STXBP4: variants seen among roughly 807,000 people sequenced by gnomAD.
STXBP4 encodes syntaxin-binding protein 4.
A neutral mutation model predicts 76.1 loss-of-function variants in STXBP4; 55 were observed. The observed-to-expected ratio is 0.72, with a 90% CI of 0.58 to 0.91. The LOEUF is 0.91. Among genes scored for constraint, STXBP4 ranks in the 40% least tolerant of loss-of-function variants. STXBP4 has a pLI of 0.00. For synonymous variants in STXBP4, 201 were observed against 220.2 expected (o/e 0.91, Z 0.77); for missense variants, 618 against 636.9 (o/e 0.97, Z 0.32).
chr17:55,133,378 A>G (rs2079993236), intron 16 of STXBP4, among the ~76,000 whole-genome samples: 1 of 152,172 alleles, frequency 6.6e-6, no homozygotes, highest in African/African-American at 2.4e-5. Context: ...GGGCACCTTC[A>G]GTTTAAAAGT....
intron 16 of STXBP4, among the ~76,000 whole-genome samples, chr17:55,107,973 A>G (rs948677809): frequency 3.3e-5 from 5 of 152,220 alleles, no homozygotes; most frequent in Non-Finnish European, 7.3e-5. Context: ...TGCGCTCTTC[A>G]GAGCCAGCAG....
chr17:55,014,352 GCTAGAATGTCT>G (rs2078167470), intron 8 of STXBP4, among the ~76,000 whole-genome samples: 1 of 152,126 alleles, frequency 6.6e-6, no homozygotes, highest in East Asian at 1.9e-4. Context: ...CCCTGCTTTT[GCTAGAATGTCT>G]CTCCCTAACA....
At chr17:55,031,109 A>G in intron 8 of STXBP4, 59 bp from the exon 9 acceptor site, 1 of 1,331,198 alleles carries the variant, frequency 7.5e-7, no homozygotes, top group East Asian at 2.4e-5. Context: ...GTTTGTAATG[A>G]AAAGTTTTAT....
chr17:55,142,801 G>A (rs932596739), intron 17 of STXBP4, among the ~76,000 whole-genome samples: 1 of 152,168 alleles, frequency 6.6e-6, no homozygotes, highest in African/African-American at 2.4e-5. Flanking sequence ...AGGCAAAGGT[G>A]TTGTTTATAA....
chr17:55,007,372 C>A, intron 7 of STXBP4, 134 bp from the exon 8 acceptor site: 1 of 682,776 alleles, frequency 1.5e-6, no homozygotes, highest in South Asian at 1.8e-5. Flanking sequence ...AAAAATTATG[C>A]AAACAAAACT....
intron 7 of STXBP4, among the ~76,000 whole-genome samples, chr17:55,004,195 A>G (rs2077966893): frequency 6.6e-6 from 1 of 151,796 alleles, no homozygotes; most frequent in South Asian, 2.1e-4. Context: ...AAAAAAAAAA[A>G]GAATTGTTGC....
At position 55,034,153 on chromosome 17, in the gene STXBP4, T is replaced by C. The variant is rs1370763929; in HGVS notation, c.764-15T>C. The C allele has an allele frequency of 1.2e-6, 2 of 1,604,390 alleles. No homozygotes were observed. Among genetic ancestry groups the C allele is most frequent in the Non-Finnish European group, 1.7e-6 (2 of 1,172,044 alleles). The stretch of plus-strand genomic sequence containing the variant: ...GTTAAATGCCATGTTCTTACTTAAA[T>C]GTGTTCCATTTTAGATTTTGTCCAG... On this transcript the variant is annotated splice_polypyrimidine_tract_variant and intron_variant, in intron 9 of 17. Transcript: ENST00000376352.
intron 1 of STXBP4, 99 bp downstream of exon 1, chr17:54,968,914 A>G (rs2077334787): frequency 2.4e-6 from 1 of 410,402 alleles, no homozygotes; most frequent in Non-Finnish European, 4.5e-6. Context: ...GTCCGCGTGC[A>G]AGCTTGCCAT....
chr17:54,999,736 G>A lies in STXBP4; in HGVS notation c.392G>A (p.Gly131Glu). 1 of 1,613,464 alleles carries A rather than the reference G, an allele frequency of 6.2e-7. No homozygotes were observed. The highest frequency in any genetic ancestry group is 8.5e-7 in the Non-Finnish European group (1 of 1,179,628). ...CTTATAGAAGCTTCAGGAGAATATG[G>A]ACCTCAAGCCTCAACATTAAGTCTT... ...TSLIEASGEYGPQASTLSLFS... is the reference protein window; with the variant it reads ...TSLIEASGEYEPQASTLSLFS... The change falls in exon 6 of 18, where the codon GGA becomes GAA. Residue 131 changes from glycine (G) to glutamate (E), a missense_variant. Physicochemically the swap from Gly to Glu is moderately conservative, Grantham distance 98. Transcript: ENST00000376352.
chr17:55,133,547 A>C (rs992224527), intron 16 of STXBP4, among the ~76,000 whole-genome samples: 2 of 152,226 alleles, frequency 1.3e-5, no homozygotes, highest in African/African-American at 4.8e-5. Flanking sequence ...TACGCAGGAA[A>C]AGAACAGAAA....
intron 12 of STXBP4, among the ~76,000 whole-genome samples, chr17:55,069,154 A>C (rs2079090488): frequency 9.3e-6 from 1 of 107,024 alleles, no homozygotes; most frequent in Non-Finnish European, 1.8e-5. Context: ...CAGTGTTGCC[A>C]AAAAAAAAAA....
the STXBP4 span, among the ~76,000 whole-genome samples, chr17:55,184,964 T>A: frequency 6.6e-6 from 1 of 152,110 alleles, no homozygotes; most frequent in Non-Finnish European, 1.5e-5. Context: ...CTTGACCTCC[T>A]GGGCCCGAGC....
At chr17:55,068,166 C>G (rs1466322489) in intron 12 of STXBP4, among the ~76,000 whole-genome samples, 1 of 152,032 alleles carries the variant, frequency 6.6e-6, no homozygotes, top group Non-Finnish European at 1.5e-5. Context: ...TGCAGTAACC[C>G]TTAATTTTTT....
chr17:55,198,678 G>A, the STXBP4 span, among the ~76,000 whole-genome samples: 30 of 152,038 alleles, frequency 2.0e-4, no homozygotes, highest in Non-Finnish European at 2.2e-4. Flanking sequence ...ATATAAAATC[G>A]ATTCACCAAT....
chr17:55,067,808 A>G (rs1356258556), intron 12 of STXBP4, among the ~76,000 whole-genome samples: 1 of 152,168 alleles, frequency 6.6e-6, no homozygotes, highest in Non-Finnish European at 1.5e-5. Context: ...TAGAATGGAA[A>G]TTAAGCAACA....
At chr17:54,977,094 T>C (rs1395386588) in intron 1 of STXBP4, among the ~76,000 whole-genome samples, 5 of 152,170 alleles carry the variant, frequency 3.3e-5, no homozygotes, top group Admixed American at 2.6e-4. Flanking sequence ...TTTCAGTGAT[T>C]GGTTTTCTGT....
intron 12 of STXBP4, among the ~76,000 whole-genome samples, chr17:55,050,312 C>G (rs1159133178): frequency 6.6e-6 from 1 of 151,856 alleles, no homozygotes; most frequent in Non-Finnish European, 1.5e-5. Flanking sequence ...GGCAAAAGAC[C>G]TGAACAGATA....
intron 16 of STXBP4, among the ~76,000 whole-genome samples, chr17:55,129,217 C>T (rs926920592): frequency 2.0e-5 from 3 of 152,228 alleles, no homozygotes; most frequent in Admixed American, 1.3e-4. Context: ...CGTGAGCCAC[C>T]GCTCCTGGCT....
At chr17:55,185,213 C>T in the STXBP4 span, among the ~76,000 whole-genome samples, 4 of 37,144 alleles carry the variant, frequency 1.1e-4, no homozygotes, top group Non-Finnish European at 2.2e-4. Flanking sequence ...TCTTCTTCTT[C>T]TTCTTCTTCT....
Sources: allele counts gnomAD v4.1 joint callset (sites outside exome capture counted in the v4.1 genomes callset), GRCh38; gene constraint gnomAD v4.1.1; transcripts MANE v1.5; gene names NCBI Gene and HGNC (gene_info 2026-07-23, HGNC 2026-07-21).